Variants in ROR1 observed in about 807,000 individuals in gnomAD.
The protein encoded by ROR1 is ROR family WNT receptor 1, also known as inactive tyrosine-protein kinase transmembrane receptor ROR1.
A neutral mutation model predicts 78.8 loss-of-function variants in ROR1; 19 were observed. That is an observed-to-expected ratio of 0.24 (90% CI 0.17 to 0.35). The LOEUF is 0.35. Ranked by LOEUF, ROR1 falls within the 10% of genes least tolerant of loss-of-function variation. The probability of loss-of-function intolerance (pLI) is 1.00; values close to 1 mark genes in which losing one functional copy is unlikely to be tolerated. For missense variants in ROR1, 917 were observed against 1,177.8 expected (o/e 0.78, Z 3.24); for synonymous variants, 386 against 433.6 (o/e 0.89, Z 1.36).
rs893605802 is a variant in ROR1 at position 64,179,063 on chromosome 1, T to C, written c.*208T>C. ...AAAAAAAAACAAGCAAACAAAAACA[T>C]TGTGGGATGTGCACTCCATTGGAGT... On this transcript the variant is annotated 3_prime_UTR_variant, in exon 9 of 9. Transcript: ENST00000371079. The C allele has an allele frequency of 4.9e-5, 25 of 514,202 alleles. No individual in the cohort carries two copies. Among genetic ancestry groups the C allele is most frequent in the East Asian group, 2.0e-4 (6 of 30,258 alleles). 31.9% of individuals were successfully genotyped at this position (514,202 alleles called of 1,614,324 possible).
intron 1 of ROR1, among the ~76,000 whole-genome samples, chr1:63,776,902 G>A (rs551705017): frequency 2.6e-5 from 4 of 152,104 alleles, no homozygotes; most frequent in African/African-American, 9.6e-5. Flanking sequence ...TAGAACTCAC[G>A]TTTACTTTCT....
At chr1:63,914,793 C>G (rs1315927173) in intron 1 of ROR1, among the ~76,000 whole-genome samples, 2 of 152,126 alleles carry the variant, frequency 1.3e-5, no homozygotes, top group African/African-American at 4.8e-5. Context: ...TACCCCTCCA[C>G]CCCCATTTCT....
At chr1:63,808,609 G>T (rs931696406) in intron 1 of ROR1, among the ~76,000 whole-genome samples, 3 of 152,124 alleles carry the variant, frequency 2.0e-5, no homozygotes, top group Admixed American at 6.5e-5. Context: ...AGTGGTCAGC[G>T]CATACATTTA....
At chr1:64,063,054 A>G (rs1190787456) in intron 4 of ROR1, among the ~76,000 whole-genome samples, 1 of 152,152 alleles carries the variant, frequency 6.6e-6, no homozygotes, top group African/African-American at 2.4e-5. Flanking sequence ...AAGAAGTGAA[A>G]CCCCAAAGAT....
intron 4 of ROR1, among the ~76,000 whole-genome samples, chr1:64,089,982 C>G (rs1647182575): frequency 6.6e-6 from 1 of 152,014 alleles, no homozygotes; most frequent in African/African-American, 2.4e-5. Flanking sequence ...CCATGTAAGA[C>G]ACTTGGTTCT....
chr1:64,075,154 A>T (rs532112708), intron 4 of ROR1, among the ~76,000 whole-genome samples: 1 of 152,274 alleles, frequency 6.6e-6, no homozygotes, highest in East Asian at 1.9e-4. Context: ...GTCCAATGAG[A>T]GCTGAATACA....
At chr1:63,987,331 C>T (rs889545530) in intron 1 of ROR1, among the ~76,000 whole-genome samples, 2 of 152,184 alleles carry the variant, frequency 1.3e-5, no homozygotes, top group East Asian at 3.9e-4. Flanking sequence ...TCATGCCTGA[C>T]CCATAAGCAC....
rs1644854823 is a variant in ROR1, at chr1:63,810,510, A to ATAATG, written c.91+36013_91+36017dup. Among the ~76,000 whole-genome samples, 4 of 152,240 alleles carry ATAATG rather than the reference A, an allele frequency of 2.6e-5. No homozygotes were observed. The South Asian group carries it at 8.3e-4, about 32-fold the overall frequency. On this transcript the variant is annotated intron_variant, in intron 1 of 8. Transcript: ENST00000371079. ...AGGGGGAAACACACATGTAATCTAA[A>ATAATG]TAATGTAATGTAATGCCATAAGTGG...
intron 4 of ROR1, among the ~76,000 whole-genome samples, chr1:64,077,786 A>G (rs563683690): frequency 1.6e-4 from 25 of 152,366 alleles, no homozygotes; most frequent in Non-Finnish European, 3.4e-4. Flanking sequence ...TTTAAATGTG[A>G]TATCACTGCT....
chr1:63,887,503 G>T (rs189694598), intron 1 of ROR1, among the ~76,000 whole-genome samples: 6 of 152,018 alleles, frequency 3.9e-5, no homozygotes, highest in East Asian at 1.9e-4. Context: ...GAACATTTGC[G>T]TTATTTCAGA....
intron 1 of ROR1, among the ~76,000 whole-genome samples, chr1:63,785,921 G>A (rs1276881659): frequency 6.6e-6 from 1 of 152,166 alleles, no homozygotes; most frequent in Admixed American, 6.5e-5. Context: ...ACTCACATCT[G>A]GTGTCCCTAA....
chr1:63,815,355 T>G (rs1644884265), intron 1 of ROR1, among the ~76,000 whole-genome samples: 1 of 152,156 alleles, frequency 6.6e-6, no homozygotes, highest in Non-Finnish European at 1.5e-5. Flanking sequence ...ATTCTGTTGT[T>G]TTTGAAGTTT....
intron 1 of ROR1, among the ~76,000 whole-genome samples, chr1:63,809,341 G>A (rs889714716): frequency 6.6e-6 from 1 of 152,134 alleles, no homozygotes; most frequent in African/African-American, 2.4e-5. Flanking sequence ...GAAGAGTATT[G>A]GGAACAAAGC....
chr1:63,905,835 G>A (rs973937552), intron 1 of ROR1, among the ~76,000 whole-genome samples: 3 of 152,088 alleles, frequency 2.0e-5, no homozygotes, highest in African/African-American at 7.2e-5. Flanking sequence ...AGAAAAATGC[G>A]AAAATTTTGC....
intron 1 of ROR1, among the ~76,000 whole-genome samples, chr1:63,846,146 GTGTGTGT>G (rs1229357878): frequency 6.7e-6 from 1 of 150,152 alleles, no homozygotes; most frequent in Non-Finnish European, 1.5e-5. Context: ...GTGTGTGTGT[GTGTGTGT>G]GTGTGTGTGT....
chr1:63,980,767 G>A (rs1646203711), intron 1 of ROR1, among the ~76,000 whole-genome samples: 2 of 152,230 alleles, frequency 1.3e-5, no homozygotes, highest in Non-Finnish European at 1.5e-5. Flanking sequence ...GCTGTGGAAG[G>A]GAAGGAGGTA....
At chr1:63,974,594 T>A (rs1646143103) in intron 1 of ROR1, among the ~76,000 whole-genome samples, 1 of 152,020 alleles carries the variant, frequency 6.6e-6, no homozygotes, top group Non-Finnish European at 1.5e-5. Flanking sequence ...TGGACATTAC[T>A]TGAATCTCCT....
At chr1:64,090,909 A>G (rs1345281680) in intron 4 of ROR1, among the ~76,000 whole-genome samples, 1 of 152,188 alleles carries the variant, frequency 6.6e-6, no homozygotes, top group Non-Finnish European at 1.5e-5. Flanking sequence ...CACACTCAGC[A>G]TGGGCCTATT....
chr1:64,148,175 C>G (rs1034748093), intron 7 of ROR1, among the ~76,000 whole-genome samples: 1 of 152,074 alleles, frequency 6.6e-6, no homozygotes, highest in Admixed American at 6.5e-5. Flanking sequence ...AGTTCTATCC[C>G]CCTAGGAGTA....
Sources: gnomAD v4.1 joint callset for allele counts (sites outside exome capture counted in the v4.1 genomes callset) on GRCh38, gnomAD v4.1.1 for gene constraint, MANE v1.5 for transcripts, NCBI Gene and HGNC (gene_info 2026-07-23, HGNC 2026-07-21) for gene names.